The following PCDH9 variants were observed in gnomAD, a reference collection of about 807,000 sequenced individuals.
The protein encoded by PCDH9 is protocadherin 9.
A neutral mutation model predicts 70.6 loss-of-function variants in PCDH9; 24 were observed. That is an observed-to-expected ratio of 0.34 (90% CI 0.25 to 0.48). The LOEUF is 0.48. Among genes scored for constraint, PCDH9 ranks in the 20% least tolerant of loss-of-function variants. The probability of loss-of-function intolerance (pLI) is 0.99; values close to 1 mark genes in which losing one functional copy is unlikely to be tolerated. For missense variants in PCDH9, 1,281 were observed against 1,503.6 expected (o/e 0.85, Z 2.45); for synonymous variants, 562 against 558.5 (o/e 1.01, Z -0.09).
chr13:66,788,968 C>A (rs569894861), intron 3 of PCDH9, among the ~76,000 whole-genome samples: 1 of 152,120 alleles, frequency 6.6e-6, no homozygotes, highest in Admixed American at 6.6e-5. Flanking sequence ...TAGAATTGTC[C>A]TGGTTCCCTA....
intron 3 of PCDH9, among the ~76,000 whole-genome samples, chr13:66,703,636 G>T (rs1039551315): frequency 6.6e-6 from 1 of 152,158 alleles, no homozygotes; most frequent in African/African-American, 2.4e-5. Context: ...GGTGGCTCAT[G>T]CCTGTAATTG....
chr13:66,723,063 C>A (rs2078962600), intron 3 of PCDH9, among the ~76,000 whole-genome samples: 3 of 151,432 alleles, frequency 2.0e-5, no homozygotes. Flanking sequence ...GCAAGGCATA[C>A]TCATACATTC....
intron 4 of PCDH9, among the ~76,000 whole-genome samples, chr13:66,613,390 G>C (rs2077317562): frequency 6.6e-6 from 1 of 151,840 alleles, no homozygotes; most frequent in East Asian, 1.9e-4. Context: ...CACCCAGTCA[G>C]CAATTAACCT....
chr13:67,064,818 C>T (rs1280624932), intron 2 of PCDH9, among the ~76,000 whole-genome samples: 3 of 151,712 alleles, frequency 2.0e-5, no homozygotes, highest in African/African-American at 7.3e-5. Context: ...TTCAACAATC[C>T]CTTAGGGCAT....
intron 4 of PCDH9, among the ~76,000 whole-genome samples, chr13:66,527,131 TC>T (rs1310059338): frequency 2.1e-5 from 3 of 141,568 alleles, no homozygotes; most frequent in Non-Finnish European, 4.8e-5. Context: ...TATTGTACAT[TC>T]CTTGGGGGAA....
At chr13:66,768,242 C>T (rs1175409099) in intron 3 of PCDH9, among the ~76,000 whole-genome samples, 2 of 151,870 alleles carry the variant, frequency 1.3e-5, no homozygotes, top group Non-Finnish European at 2.9e-5. Flanking sequence ...TTGATCAAAT[C>T]AAAGGCATAA....
intron 3 of PCDH9, among the ~76,000 whole-genome samples, chr13:66,842,730 A>G (rs1175274003): frequency 6.6e-6 from 1 of 152,200 alleles, no homozygotes; most frequent in African/African-American, 2.4e-5. Flanking sequence ...ATAAAATATC[A>G]TCTCCTGTTT....
intron 3 of PCDH9, among the ~76,000 whole-genome samples, chr13:66,690,224 T>C (rs1052553665): frequency 6.6e-6 from 1 of 152,192 alleles, no homozygotes; most frequent in African/African-American, 2.4e-5. Context: ...GCAGTTTTTT[T>C]TGCATTTAAA....
At chr13:66,539,405 T>C (rs894445578) in intron 4 of PCDH9, among the ~76,000 whole-genome samples, 6 of 152,158 alleles carry the variant, frequency 3.9e-5, no homozygotes, top group Admixed American at 2.0e-4. Flanking sequence ...ACCATGTTGC[T>C]GTTCTCATGA....
intron 2 of PCDH9, among the ~76,000 whole-genome samples, chr13:66,946,935 C>T (rs2083097651): frequency 3.3e-5 from 5 of 152,056 alleles, no homozygotes; most frequent in Non-Finnish European, 1.5e-5. Flanking sequence ...AATCTTTCTT[C>T]CTTAACAAAA....
rs1355739674 is a variant in PCDH9, at chr13:67,227,157, G to A, written c.1284C>T (p.Asp428=). 4 of 1,613,662 alleles carry A rather than the reference G, an allele frequency of 2.5e-6. No homozygotes were observed. In the South Asian group the frequency reaches 4.4e-5, roughly 18 times the overall value. ...AGCTGAATTCTTTGGTGCCCTCATA[G>A]TCCAACAAAGAAGAGGTCTCTAACA... The part of the protein sequence containing the change: ...QYLLETSSLL[D]YEGTKEFSFK... The change falls in exon 2 of 5, where the codon GAC becomes GAT. Residue 428 remains aspartate, a synonymous_variant. Coordinates refer to ENST00000377865, the MANE Select transcript of PCDH9 (RefSeq NM_203487.3). This position sits in a 1 kb window ranked among gnomAD's most constrained non-coding sequence, Gnocchi z 4.6.
chr13:67,055,930 A>T (rs1702890609), intron 2 of PCDH9, among the ~76,000 whole-genome samples: 2 of 152,158 alleles, frequency 1.3e-5, no homozygotes, highest in Non-Finnish European at 2.9e-5. Context: ...AGGAGGAAGG[A>T]TCACTTAAGG....
intron 4 of PCDH9, among the ~76,000 whole-genome samples, chr13:66,381,159 T>C (rs1319210112): frequency 6.6e-6 from 1 of 152,208 alleles, no homozygotes; most frequent in African/African-American, 2.4e-5. Context: ...CAACAGTCTC[T>C]CAGAAATTAT....
At chr13:67,079,813 T>C (rs61959363) in intron 2 of PCDH9, among the ~76,000 whole-genome samples, 14,609 of 152,198 alleles carry the variant, frequency 0.096, 774 homozygotes, top group Non-Finnish European at 0.12. Context: ...CCTATGAGGC[T>C]ACATTTACAT....
At chr13:66,645,571 T>C (rs1208675994) in intron 3 of PCDH9, among the ~76,000 whole-genome samples, 1 of 151,982 alleles carries the variant, frequency 6.6e-6, no homozygotes, top group Non-Finnish European at 1.5e-5. Flanking sequence ...ATAAAAAGAA[T>C]TTGAAAACGT....
At chr13:66,392,202 T>C (rs368726688) in intron 4 of PCDH9, among the ~76,000 whole-genome samples, 7 of 151,834 alleles carry the variant, frequency 4.6e-5, no homozygotes, top group Non-Finnish European at 8.8e-5. Flanking sequence ...AAAAAAAATA[T>C]GTATTTTTTT....
intron 3 of PCDH9, among the ~76,000 whole-genome samples, chr13:66,889,165 A>G (rs866646493): frequency 6.6e-6 from 1 of 152,172 alleles, no homozygotes; most frequent in Non-Finnish European, 1.5e-5. Flanking sequence ...GAGAAAGTAA[A>G]TGTGGTAAGA....
chr13:67,060,895 G>C (rs1408625863), intron 2 of PCDH9, among the ~76,000 whole-genome samples: 2 of 151,970 alleles, frequency 1.3e-5, no homozygotes, highest in Non-Finnish European at 2.9e-5. Flanking sequence ...ATTAAAACTA[G>C]AACTCGTATG....
chr13:66,797,778 A>G (rs1487511002), intron 3 of PCDH9, among the ~76,000 whole-genome samples: 1 of 152,012 alleles, frequency 6.6e-6, no homozygotes, highest in Non-Finnish European at 1.5e-5. Context: ...ATGGGACATC[A>G]CTGTATATAG....
Sources: allele counts gnomAD v4.1 joint callset (sites outside exome capture counted in the v4.1 genomes callset), GRCh38; gene constraint gnomAD v4.1.1; non-coding constraint Gnocchi (gnomAD v3.1); transcripts MANE v1.5; gene names NCBI Gene and HGNC (gene_info 2026-07-23, HGNC 2026-07-21).